The following NCALD variants were observed in gnomAD, a reference collection of about 807,000 sequenced individuals.
The protein encoded by NCALD is neurocalcin delta.
A neutral mutation model predicts 18.6 loss-of-function variants in NCALD; 10 were observed. The ratio of observed to expected loss-of-function variants is 0.54; its 90% CI spans 0.33 to 0.91. The LOEUF is 0.91. NCALD is among the 40% of genes least tolerant of loss of function. NCALD has a pLI of 0.03. For synonymous variants in NCALD, 88 were observed against 87.4 expected, an observed-to-expected ratio of 1.01 and a Z score of -0.04; for missense variants, 184 against 247.6, an observed-to-expected ratio of 0.74 and a Z score of 1.72.
intron 1 of NCALD, among the ~76,000 whole-genome samples, chr8:101,729,483 G>A (rs1816720195): frequency 6.6e-6 from 1 of 152,196 alleles, no homozygotes; most frequent in African/African-American, 2.4e-5. Flanking sequence ...TGCCCCCAGT[G>A]AGGCCTCTTC....
chr8:101,989,500 T>C (rs1820959628), intron 2 of NCALD, among the ~76,000 whole-genome samples: 3 of 152,258 alleles, frequency 2.0e-5, no homozygotes, highest in African/African-American at 4.8e-5. Flanking sequence ...AATAGGATGC[T>C]ATGACTTTGT....
At position 102,058,401 on chromosome 8, in the gene NCALD, AAAG is replaced by A. The variant is rs1351894172; in HGVS notation, c.-209-38115_-209-38113del. On this transcript the variant is annotated intron_variant, in intron 1 of 6. Transcript: ENST00000311028. ...ATAAATAAAATAATAAAAACTAGGA[AAAG>A]AAGAAATGGAATGTTCCCACTTACC... is the stretch of plus-strand genomic sequence containing the variant. Among the ~76,000 whole-genome samples the A allele has an allele frequency of 2.6e-5, 4 of 152,236 alleles. No homozygotes were observed. The East Asian group carries it at 7.7e-4, about 29-fold the overall frequency.
At chr8:102,061,474 C>G (rs1823846505) in intron 1 of NCALD, among the ~76,000 whole-genome samples, 2 of 152,088 alleles carry the variant, frequency 1.3e-5, no homozygotes, top group Admixed American at 6.6e-5. Flanking sequence ...TTACTGCCTA[C>G]CCAGCACTGG....
At chr8:101,993,154 A>G (rs1268173078) in intron 2 of NCALD, among the ~76,000 whole-genome samples, 1 of 151,190 alleles carries the variant, frequency 6.6e-6, no homozygotes, top group African/African-American at 2.4e-5. Flanking sequence ...ACAGGAAAAA[A>G]AAAAAAAGAT....
At chr8:101,847,621 T>C (rs577545955) in intron 4 of NCALD, among the ~76,000 whole-genome samples, 1 of 152,310 alleles carries the variant, frequency 6.6e-6, no homozygotes, top group Non-Finnish European at 1.5e-5. Context: ...GCCAATGAAA[T>C]TCTTAACTAA....
intron 1 of NCALD, among the ~76,000 whole-genome samples, chr8:102,081,198 A>G (rs1203015537): frequency 6.6e-6 from 1 of 152,202 alleles, no homozygotes; most frequent in African/African-American, 2.4e-5. Flanking sequence ...TGAAAAACAA[A>G]AACGAAAAGA....
At chr8:102,105,331 T>C (rs1825410735) in intron 1 of NCALD, among the ~76,000 whole-genome samples, 1 of 152,216 alleles carries the variant, frequency 6.6e-6, no homozygotes, top group Non-Finnish European at 1.5e-5. Flanking sequence ...TATGAACCAC[T>C]TCCCATTCCA....
At chr8:101,923,749 T>C (rs1037014162) in intron 2 of NCALD, among the ~76,000 whole-genome samples, 6 of 152,174 alleles carry the variant, frequency 3.9e-5, no homozygotes, top group African/African-American at 1.4e-4. Flanking sequence ...TTCTTTCTCT[T>C]ATATTTAGTG....
chr8:102,082,226 CTTTTTTTTTT>C (rs757875219), intron 1 of NCALD, among the ~76,000 whole-genome samples: 1 of 71,832 alleles, frequency 1.4e-5, no homozygotes, highest in Non-Finnish European at 2.4e-5. Flanking sequence ...GAAGCTCTCT[CTTTTTTTTTT>C]TTTTTTTTTT....
At chr8:101,911,733 G>A (rs916007675) in intron 3 of NCALD, among the ~76,000 whole-genome samples, 6 of 152,048 alleles carry the variant, frequency 3.9e-5, no homozygotes, top group African/African-American at 9.7e-5. Context: ...AATGAGCTGC[G>A]TTTCCACGAA....
At chr8:101,886,932 AT>A (rs749398467) in intron 4 of NCALD, among the ~76,000 whole-genome samples, 1 of 152,106 alleles carries the variant, frequency 6.6e-6, no homozygotes, top group East Asian at 1.9e-4. Context: ...TTTTTTTTTA[AT>A]TAAAATGGGT....
intron 4 of NCALD, among the ~76,000 whole-genome samples, chr8:101,882,098 G>A (rs1170708448): frequency 2.0e-5 from 3 of 152,096 alleles, no homozygotes; most frequent in Non-Finnish European, 4.4e-5. Context: ...TCTATAGTGT[G>A]CAAGACACTC....
chr8:102,035,781 G>C (rs775038387), intron 1 of NCALD, among the ~76,000 whole-genome samples: 2 of 152,040 alleles, frequency 1.3e-5, no homozygotes, highest in Non-Finnish European at 2.9e-5. Context: ...ATTCGCAAAA[G>C]CCTCCTCATT....
At chr8:101,930,714 C>T (rs1232440744) in intron 2 of NCALD, among the ~76,000 whole-genome samples, 3 of 152,118 alleles carry the variant, frequency 2.0e-5, no homozygotes, top group Non-Finnish European at 4.4e-5. Context: ...ACATTCATCC[C>T]ACTGGAATTG....
intron 2 of NCALD, among the ~76,000 whole-genome samples, chr8:101,705,100 A>ACCTG (rs1815450044): frequency 6.6e-6 from 1 of 151,398 alleles, no homozygotes; most frequent in Non-Finnish European, 1.5e-5. Flanking sequence ...GGTGGTGCGC[A>ACCTG]CCTGTAATCC....
intron 1 of NCALD, among the ~76,000 whole-genome samples, chr8:102,066,430 A>G (rs1386965628): frequency 2.0e-5 from 3 of 152,226 alleles, no homozygotes; most frequent in Non-Finnish European, 4.4e-5. Flanking sequence ...ATCTTATTGC[A>G]TTGCTCACAG....
chr8:102,071,313 A>T (rs1824171984), intron 1 of NCALD, among the ~76,000 whole-genome samples: 1 of 152,162 alleles, frequency 6.6e-6, no homozygotes, highest in East Asian at 1.9e-4. Context: ...TTTTCTTGGT[A>T]TTGGTTCACT....
intron 3 of NCALD, among the ~76,000 whole-genome samples, chr8:101,896,071 A>G (rs1207317580): frequency 2.0e-5 from 3 of 151,172 alleles, no homozygotes; most frequent in Non-Finnish European, 2.9e-5. Context: ...ACCCTAAGCC[A>G]AAAGAACAAA....
At chr8:102,006,766 C>T (rs1216541488) in intron 2 of NCALD, among the ~76,000 whole-genome samples, 1 of 152,222 alleles carries the variant, frequency 6.6e-6, no homozygotes, top group Non-Finnish European at 1.5e-5. Context: ...AAGCTTTTTA[C>T]TGTAAATAGT....
Sources: allele counts gnomAD v4.1 joint callset (sites outside exome capture counted in the v4.1 genomes callset), GRCh38; gene constraint gnomAD v4.1.1; transcripts MANE v1.5; gene names NCBI Gene and HGNC (gene_info 2026-07-23, HGNC 2026-07-21).